RP1L1: variants seen among roughly 807,000 people sequenced by gnomAD.
RP1L1 encodes RP1 like 1, also known as retinitis pigmentosa 1-like 1 protein.
A neutral mutation model predicts 15.7 loss-of-function variants in RP1L1; 27 were observed. The ratio of observed to expected loss-of-function variants is 1.72; its 90% confidence interval spans 1.27 to 2.38. The LOEUF is 2.38. Ranked by LOEUF, RP1L1 falls within the 30% of genes most tolerant of loss-of-function variation. RP1L1 has a pLI of 0.00. For synonymous variants in RP1L1, 1,813 were observed against 1,276.7 expected (o/e 1.42, Z -8.96); for missense variants, 4,798 against 3,075.9 (o/e 1.56, Z -13.24).
chr8:10,613,485 T>A (rs1011368305), intron 3 of RP1L1, 139 bp from the exon 4 acceptor site: 23 of 1,261,660 alleles, frequency 1.8e-5, no homozygotes, highest in Non-Finnish European at 2.2e-5. Flanking sequence ...CGGTGACAGC[T>A]GTGCGCGGTG....
Position 10,610,652 on chromosome 8 carries a change from T to C in RP1L1, c.3446A>G (p.Glu1149Gly). Residue 1149 changes from glutamate (E) to glycine (G), a missense_variant, in exon 4 of 4, where the codon GAG (glutamate) becomes GGG (glycine). Coordinates refer to ENST00000382483, the MANE Select transcript of RP1L1 (RefSeq NM_178857.6). ...CAGGTCCTTCGAGATGCTGAGCAGCTCCTGGTACCGAGGGGAGTCTTTGAA... is the reference window on the plus strand; with the variant it reads ...CAGGTCCTTCGAGATGCTGAGCAGCCCCTGGTACCGAGGGGAGTCTTTGAA... ...VRFKDSPRYQ[E>G]LLSISKDLWP... 6.2e-7 allele frequency: 1 copy of C among 1,612,220 alleles called. No homozygotes were observed. Among genetic ancestry groups the C allele is most frequent in the Non-Finnish European group, 8.5e-7 (1 of 1,179,240 alleles).
At chr8:10,645,576 T>C (rs77663147) in intron 1 of RP1L1, among the ~76,000 whole-genome samples, 18,923 of 152,072 alleles carry the variant, frequency 0.12, 1,571 homozygotes, top group Middle Eastern at 0.19. Flanking sequence ...GGAAGTCTGT[T>C]AGCAAGAACC....
chr8:10,630,738 T>C (rs1308068429), intron 1 of RP1L1, among the ~76,000 whole-genome samples: 1 of 152,196 alleles, frequency 6.6e-6, no homozygotes, highest in Non-Finnish European at 1.5e-5. Context: ...CACAAAGAAG[T>C]GAATTTTTTC....
chr8:10,639,604 C>G (rs1336475284), intron 1 of RP1L1, among the ~76,000 whole-genome samples: 1 of 152,120 alleles, frequency 6.6e-6, no homozygotes, highest in African/African-American at 2.4e-5. Context: ...CAACACCTGA[C>G]CCTGAGCAGT....
At chr8:10,652,866 A>C (rs779402749) in intron 1 of RP1L1, among the ~76,000 whole-genome samples, 1 of 152,172 alleles carries the variant, frequency 6.6e-6, no homozygotes. Context: ...TGGAGCTCTG[A>C]ACAGAGCAGG....
chr8:10,643,599 C>T (rs931922085), intron 1 of RP1L1, among the ~76,000 whole-genome samples: 1 of 152,082 alleles, frequency 6.6e-6, no homozygotes, highest in African/African-American at 2.4e-5. Flanking sequence ...AAAAAAATAG[C>T]TGTCTTTCCA....
At chr8:10,632,930 T>C (rs1231201355) in intron 1 of RP1L1, among the ~76,000 whole-genome samples, 3 of 152,110 alleles carry the variant, frequency 2.0e-5, no homozygotes, top group African/African-American at 7.2e-5. Context: ...TCTCCTCTCC[T>C]TGGGCGGAGG....
chr8:10,608,771 G>A lies in RP1L1; in HGVS notation c.5327C>T (p.Thr1776Ile). ...GCCCGCACTGGTTTCACTGTTGTGGGTTTTCCCTTCTCTCTCCTGAGCCAT... is the reference window on the plus strand; with the variant it reads ...GCCCGCACTGGTTTCACTGTTGTGGATTTTCCCTTCTCTCTCCTGAGCCAT... ...DAMAQEREGK[T>I]HNSETSAGSE... is the part of the protein sequence containing the mutation. The change falls in exon 4 of 4, where the codon ACC (threonine) becomes ATC (isoleucine). Residue 1776 changes from threonine to isoleucine, a missense_variant. Thr to Ile is a moderately conservative substitution (Grantham distance 89). Coordinates refer to ENST00000382483, the MANE Select transcript of RP1L1 (RefSeq NM_178857.6). 3 of 1,614,164 alleles carry A rather than the reference G, an allele frequency of 1.9e-6. No individual in the cohort carries two copies. The highest frequency in any genetic ancestry group is 1.1e-5 in the South Asian group (1 of 91,074).
chr8:10,637,574 C>T (rs548825746), intron 1 of RP1L1, among the ~76,000 whole-genome samples: 10 of 152,218 alleles, frequency 6.6e-5, no homozygotes, highest in African/African-American at 2.4e-4. Context: ...AGTGAGACCC[C>T]ATCTCCAAAA....
chr8:10,622,450 G>C (rs775534729), intron 2 of RP1L1, 143 bp downstream of exon 2: 21 of 1,039,746 alleles, frequency 2.0e-5, no homozygotes, highest in African/African-American at 3.1e-5. Context: ...ACTTGACTGA[G>C]TGTCTCCATG....
At chr8:10,644,327 A>G (rs1798446190) in intron 1 of RP1L1, among the ~76,000 whole-genome samples, 1 of 151,196 alleles carries the variant, frequency 6.6e-6, no homozygotes, top group Admixed American at 6.6e-5. Flanking sequence ...GGCAGTCTCT[A>G]GAGAATCTGC....
At chr8:10,647,608 G>A (rs1281926965) in intron 1 of RP1L1, among the ~76,000 whole-genome samples, 3 of 152,166 alleles carry the variant, frequency 2.0e-5, no homozygotes, top group Non-Finnish European at 4.4e-5. Context: ...TTTCGTGACT[G>A]GCTTATTTCA....
At chr8:10,654,743 C>A (rs895980263) in intron 1 of RP1L1, among the ~76,000 whole-genome samples, 155 bp downstream of exon 1, 1 of 152,336 alleles carries the variant, frequency 6.6e-6, no homozygotes, top group Non-Finnish European at 1.5e-5. Flanking sequence ...AGAAGAGAAC[C>A]GATCCTGCGT....
At position 10,622,791 on chromosome 8, in the gene RP1L1, T is replaced by C. The variant is rs2117226072; in HGVS notation, c.411A>G (p.Glu137=). 6.2e-7 allele frequency: 1 copy of C among 1,613,932 alleles called. No homozygotes were observed. Among genetic ancestry groups the C allele is most frequent in the Non-Finnish European group, 8.5e-7 (1 of 1,179,932 alleles). ...TCCGGGAGGAGGAGGTGCCTGGGGC[T>C]TCACGCTGGCCTTCGACATCCCGCA... ...QQLRDVEGQR[E]APGTSSSRKS... Residue 137 remains glutamate (E), a synonymous_variant, in exon 2 of 4, where the codon GAA becomes GAG. Transcript: ENST00000382483.
chr8:10,654,078 C>T (rs916178426), intron 1 of RP1L1, among the ~76,000 whole-genome samples: 2 of 152,178 alleles, frequency 1.3e-5, no homozygotes, highest in African/African-American at 4.8e-5. Context: ...GCTGCAGCCG[C>T]GCTGGACCTC....
At chr8:10,643,075 A>C (rs1008451018) in intron 1 of RP1L1, among the ~76,000 whole-genome samples, 10 of 152,132 alleles carry the variant, frequency 6.6e-5, no homozygotes, top group African/African-American at 2.4e-4. Flanking sequence ...GCTGACTCAC[A>C]CCTGTAATCC....
chr8:10,636,550 C>A (rs1458944790), intron 1 of RP1L1, among the ~76,000 whole-genome samples: 5 of 152,186 alleles, frequency 3.3e-5, no homozygotes, highest in Non-Finnish European at 2.9e-5. Context: ...AGGCCCTGGC[C>A]TGACCACCAA....
At chr8:10,626,889 G>C (rs550538446) in intron 1 of RP1L1, among the ~76,000 whole-genome samples, 1 of 152,298 alleles carries the variant, frequency 6.6e-6, no homozygotes, top group East Asian at 1.9e-4. Flanking sequence ...AACCTGATAG[G>C]TCAGGCCTAC....
chr8:10,640,008 G>A (rs1425979608), intron 1 of RP1L1, among the ~76,000 whole-genome samples: 1 of 152,144 alleles, frequency 6.6e-6, no homozygotes, highest in Admixed American at 6.5e-5. Context: ...AAATGGTCAG[G>A]GGTTTTGTTT....
Sources: allele counts gnomAD v4.1 joint callset (sites outside exome capture counted in the v4.1 genomes callset), GRCh38; gene constraint gnomAD v4.1.1; transcripts MANE v1.5; gene names NCBI Gene and HGNC (gene_info 2026-07-23, HGNC 2026-07-21).